Variants in IFT172 observed in about 807,000 individuals in gnomAD.
The protein encoded by IFT172 is intraflagellar transport protein 172 homolog.
Under a neutral mutation model 248.9 loss-of-function variants are expected in IFT172, and 164 were observed. That is an observed-to-expected ratio of 0.66 (90% CI 0.58 to 0.75). The LOEUF (loss-of-function observed/expected upper bound fraction) is 0.75, where lower values mean the gene tolerates loss of function less well. Ranked by LOEUF, IFT172 falls within the 30% of genes least tolerant of loss-of-function variation. IFT172 has a pLI of 0.00. For synonymous variants in IFT172, 729 were observed against 791.6 expected (o/e 0.92, Z 1.33); for missense variants, 1,950 against 2,192.4 (o/e 0.89, Z 2.21).
rs1221449974 is a variant in IFT172 at position 27,445,631 on chromosome 2, T to C, written c.4914+114A>G. On this transcript the variant is annotated intron_variant, in intron 45 of 47. Transcript: ENST00000260570. The surrounding 1 kb of genome is among the most constrained non-coding windows in gnomAD (Gnocchi z 4.4). ...CTTTCTATTTTGCTTCTACTTTCAC[T>C]GAAAAAACAGTGAGGGCTGAGGTCC... The C allele has an allele frequency of 3.6e-6, 5 of 1,395,990 alleles. No individual in the cohort carries two copies. The highest frequency in any genetic ancestry group is 3.0e-6 in the Non-Finnish European group (3 of 1,015,398). The allele number at this position is 1,395,990 out of a possible 1,614,324, so 86.5% of individuals were successfully genotyped here.
intron 1 of IFT172, among the ~76,000 whole-genome samples, chr2:27,487,267 G>A (rs1340227419): frequency 5.3e-5 from 8 of 151,892 alleles, no homozygotes; most frequent in African/African-American, 1.9e-4. Context: ...TCCTCCTATT[G>A]TCCAAATGCC....
chr2:27,465,207 A>G (rs1666996783), intron 18 of IFT172: 3 of 582,146 alleles, frequency 5.2e-6, no homozygotes, highest in Non-Finnish European at 9.2e-6. Flanking sequence ...GGCATCAGCC[A>G]TCACGCCTGG....
rs760097703 is a variant in IFT172, at chr2:27,445,428, G to T, written c.4936C>A (p.Arg1646=). The T allele has an allele frequency of 6.2e-7, 1 of 1,611,236 alleles. No homozygotes were observed. The highest frequency in any genetic ancestry group is 8.5e-7 in the Non-Finnish European group (1 of 1,178,888). ...ATGGAGACTGTAAGCACCCAGTCTC[G>T]AACCTCTTCTCTCTCAGCCTCCTGG... ...HVPEAEREEV[R]DWVLTVSMDQ... is the part of the protein sequence containing the mutation. The change falls in exon 46 of 48, where the codon CGA becomes AGA. Residue 1646 remains arginine (R), a synonymous_variant. Coordinates refer to ENST00000260570, the MANE Select transcript of IFT172 (RefSeq NM_015662.3). This position sits in a 1 kb window ranked among gnomAD's most constrained non-coding sequence, Gnocchi z 4.4.
intron 18 of IFT172, 115 bp from the exon 19 acceptor site, chr2:27,463,296 T>A: frequency 1.1e-6 from 1 of 949,894 alleles, no homozygotes; most frequent in Non-Finnish European, 1.6e-6. Flanking sequence ...CAATGTCTTG[T>A]CACTGGAGAC....
At position 27,473,968 on chromosome 2, in the gene IFT172, C is replaced by T. The variant is rs1361612917; in HGVS notation, c.1412-1606G>A. Among the ~76,000 whole-genome samples, 12 of 152,110 alleles carry T rather than the reference C, an allele frequency of 7.9e-5. No homozygotes were observed. In the South Asian group the frequency reaches 2.3e-3, roughly 29 times the overall value. On this transcript the variant is annotated intron_variant, in intron 14 of 47. Coordinates refer to ENST00000260570, the MANE Select transcript of IFT172 (RefSeq NM_015662.3). ...GATTATAGGCACCCGCCACCATGCC[C>T]GGCTAATTTTTGTATTTTTAGTAGA...
chr2:27,450,133 A>G, intron 35 of IFT172, 37 bp from the exon 36 acceptor site: 1 of 1,472,636 alleles, frequency 6.8e-7, no homozygotes, highest in Non-Finnish European at 9.5e-7. Context: ...TGGGTAGGAG[A>G]GACAAATACC....
At chr2:27,466,125 T>G in intron 16 of IFT172, 1 of 528,728 alleles carries the variant, frequency 1.9e-6, no homozygotes, top group East Asian at 3.2e-5. Context: ...TGGCATTCAC[T>G]TCTGCTTCCA....
intron 47 of IFT172, 62 bp downstream of exon 47, chr2:27,444,952 T>C (rs1353212285): frequency 8.4e-6 from 13 of 1,538,772 alleles, no homozygotes; most frequent in South Asian, 2.4e-5. Flanking sequence ...CCCAGACTTG[T>C]TTTTTTTTCT....
chr2:27,467,898 T>C (rs191735980), intron 16 of IFT172, among the ~76,000 whole-genome samples: 2 of 151,846 alleles, frequency 1.3e-5, no homozygotes, highest in African/African-American at 4.8e-5. Context: ...CAGTGGCTCA[T>C]GCCTGTAATC....
chr2:27,472,132 T>C (rs757861906), intron 15 of IFT172, 118 bp downstream of exon 15: 6 of 748,840 alleles, frequency 8.0e-6, no homozygotes, highest in East Asian at 4.9e-5. Flanking sequence ...CCTTCTGCCA[T>C]GTTGATGACA....
intron 16 of IFT172, among the ~76,000 whole-genome samples, chr2:27,467,066 G>T (rs976346588): frequency 2.0e-5 from 3 of 152,046 alleles, no homozygotes; most frequent in South Asian, 2.1e-4. Context: ...AATATAAAAT[G>T]ATTATTTATG....
At chr2:27,450,417 G>C (rs1402392854) in intron 35 of IFT172, among the ~76,000 whole-genome samples, 1 of 152,154 alleles carries the variant, frequency 6.6e-6, no homozygotes, top group Non-Finnish European at 1.5e-5. Context: ...CTTCGTAGCA[G>C]AGTACAGAGA....
chr2:27,476,894 C>A, intron 13 of IFT172, 168 bp from the exon 14 acceptor site: 1 of 605,326 alleles, frequency 1.7e-6, no homozygotes, highest in Non-Finnish European at 2.9e-6. Flanking sequence ...GTGATCACGG[C>A]TCACTACAGC....
intron 35 of IFT172, 47 bp downstream of exon 35, chr2:27,453,337 T>C: frequency 5.0e-6 from 8 of 1,612,336 alleles, no homozygotes; most frequent in Non-Finnish European, 6.8e-6. Flanking sequence ...CAAGTGTGAA[T>C]AGAGGCCTAG....
At chr2:27,481,438 CACACACACACACACAT>C (rs1049855692) in intron 7 of IFT172, among the ~76,000 whole-genome samples, 178 bp from the exon 8 acceptor site, 1 of 151,180 alleles carries the variant, frequency 6.6e-6, no homozygotes, top group African/African-American at 2.4e-5. Context: ...CACACACACA[CACACACACACACACAT>C]ACACACACAC....
chr2:27,480,653 T>G (rs1266046262), intron 8 of IFT172, among the ~76,000 whole-genome samples: 1 of 152,146 alleles, frequency 6.6e-6, no homozygotes, highest in East Asian at 1.9e-4. Flanking sequence ...TAGATGCTAA[T>G]CTAGGCACTG....
chr2:27,451,243 C>T (rs1170324191), intron 35 of IFT172, among the ~76,000 whole-genome samples: 1 of 152,188 alleles, frequency 6.6e-6, no homozygotes, highest in Non-Finnish European at 1.5e-5. Flanking sequence ...CTGTTCTTGC[C>T]TCCCTTTCTT....
At chr2:27,482,434 A>G (rs560658464) in intron 7 of IFT172, among the ~76,000 whole-genome samples, 2 of 151,930 alleles carry the variant, frequency 1.3e-5, no homozygotes, top group South Asian at 4.2e-4. Flanking sequence ...CTGGGATTAC[A>G]GGCATGTGCC....
At chr2:27,478,214 C>A in intron 10 of IFT172, 58 bp from the exon 11 acceptor site, 1 of 1,603,580 alleles carries the variant, frequency 6.2e-7, no homozygotes, top group Non-Finnish European at 8.5e-7. Context: ...GAAGGGTGAA[C>A]AACCATGACC....
Sources: allele counts gnomAD v4.1 joint callset (sites outside exome capture counted in the v4.1 genomes callset), GRCh38; gene constraint gnomAD v4.1.1; non-coding constraint Gnocchi (gnomAD v3.1); transcripts MANE v1.5; gene names NCBI Gene and HGNC (gene_info 2026-07-23, HGNC 2026-07-21).